The following COMP variants were observed in gnomAD, a reference collection of about 807,000 sequenced individuals.
COMP encodes cartilage oligomeric matrix protein (pseudoachondroplasia, epiphyseal dysplasia 1, multiple).
COMP carries 79 observed loss-of-function variants against 95.8 expected under a neutral mutation model. The ratio of observed to expected loss-of-function variants is 0.82; its 90% CI spans 0.69 to 0.99. The LOEUF (loss-of-function observed/expected upper bound fraction) is 0.99. Among genes scored for constraint, COMP ranks in the 50% least tolerant of loss-of-function variants. The probability of loss-of-function intolerance (pLI) is 0.00; values close to 1 mark genes in which losing one functional copy is unlikely to be tolerated. For synonymous variants in COMP, 438 were observed against 433.9 expected (o/e 1.01, Z -0.12); for missense variants, 906 against 1,076.1 (o/e 0.84, Z 2.21).
In COMP at chr19:18,783,225, C is replaced by A. The variant is rs1216269531; in HGVS notation, c.2088-32G>T. 1.9e-6 allele frequency: 3 copies of A among 1,602,622 alleles called. No individual in the cohort carries two copies. In the African/African-American group the frequency reaches 4.0e-5, roughly 21 times the overall value. On this transcript the variant is annotated intron_variant, in intron 17 of 18. Coordinates refer to ENST00000222271, the MANE Select transcript of COMP (RefSeq NM_000095.3). Reference sequence around the variant, plus strand: ...GTCAGACATGGTGAGGCCTGGGGGACCTGGGCCAGACCCTTCCCTCTCAGA... The same window carrying A: ...GTCAGACATGGTGAGGCCTGGGGGAACTGGGCCAGACCCTTCCCTCTCAGA...
Position 18,785,684 on chromosome 19 carries a change from C to A in COMP, c.1657G>T (p.Val553Leu). ...GACCCCGCTCCCACCTGGTTGAGCA[C>A]CACCCAGTTGGGGTCAATCTGCGCG... ...GDAQIDPNWV[V>L]LNQGREIVQT... The change falls in exon 14 of 19, where the codon GTG becomes TTG. Residue 553 changes from valine to leucine, a missense_variant. Val to Leu is a conservative substitution (Grantham distance 32, BLOSUM62 1). Transcript: ENST00000222271. 1 of 1,613,510 alleles carries A rather than the reference C, an allele frequency of 6.2e-7. No homozygotes were observed. Among genetic ancestry groups the A allele is most frequent in the Non-Finnish European group, 8.5e-7 (1 of 1,180,030 alleles).
In COMP at chr19:18,789,074, A is replaced by G; in HGVS notation, c.528+86T>C. ...TCCTCTCCCCACCCCTCCCGCTGGA[A>G]GGAGGCTGGAAGAGGAGTTTACTGG... On this transcript the variant is annotated intron_variant, in intron 5 of 18. Coordinates refer to ENST00000222271, the MANE Select transcript of COMP (RefSeq NM_000095.3). This position sits in a 1 kb window ranked among gnomAD's most constrained non-coding sequence, Gnocchi z 6.1. The G allele has an allele frequency of 6.4e-7, 1 of 1,554,544 alleles. No individual in the cohort carries two copies. Among genetic ancestry groups the G allele is most frequent in the Non-Finnish European group, 8.7e-7 (1 of 1,147,900 alleles).
At chr19:18,783,321 C>T (rs745875550) in intron 17 of COMP, 128 bp from the exon 18 acceptor site, 111 of 1,342,258 alleles carry the variant, frequency 8.3e-5, no homozygotes, top group Non-Finnish European at 1.1e-4. Flanking sequence ...AGGCCTCTGC[C>T]TTGGGCCTCA....
chr19:18,786,834 A>C lies in COMP; in HGVS notation c.1136-184T>G. The C allele has an allele frequency of 6.0e-6, 3 of 498,048 alleles. No homozygotes were observed. In the South Asian group the frequency reaches 6.4e-5, roughly 11 times the overall value. 30.9% of individuals were successfully genotyped at this position (498,048 alleles called of 1,614,324 possible). A position where few individuals can be genotyped will look rare whatever the true frequency, so the allele number is the denominator to read the frequency against. On this transcript the variant is annotated intron_variant, in intron 10 of 18. Transcript: ENST00000222271. ...GTCACTCAGGCTGGAGTGCAGTGGC[A>C]TGATCTCGGCTCACTGCAACTTCCA...
intron 15 of COMP, 32 bp from the exon 16 acceptor site, chr19:18,785,124 G>T: frequency 6.2e-7 from 1 of 1,606,290 alleles, no homozygotes; most frequent in Non-Finnish European, 8.5e-7. Context: ...TGGCCTTTCC[G>T]AACGCCAGCC....
At position 18,790,670 on chromosome 19, in the gene COMP, C is replaced by A; in HGVS notation, c.166-57G>T. The stretch of plus-strand genomic sequence containing the variant: ...CAACCTCTCCTCATCCCTCGGGTCT[C>A]CCCTCTCTCTACCCCGGGGTCCCTT... On this transcript the variant is annotated intron_variant, in intron 2 of 18. Coordinates refer to ENST00000222271, the MANE Select transcript of COMP (RefSeq NM_000095.3). 5 of 1,613,346 alleles carry A rather than the reference C, an allele frequency of 3.1e-6. No individual in the cohort carries two copies. The South Asian group carries it at 4.4e-5, about 14-fold the overall frequency.
Position 18,789,253 on chromosome 19 carries a change from G to A in COMP, c.435C>T (p.Thr145=). The A allele has an allele frequency of 6.6e-7, 1 of 1,523,210 alleles. No individual in the cohort carries two copies. Among genetic ancestry groups the A allele is most frequent in the East Asian group, 2.3e-5 (1 of 43,892 alleles). 94.4% of individuals were successfully genotyped at this position (1,523,210 alleles called of 1,614,324 possible). Residue 145 remains threonine, a synonymous_variant, in exon 5 of 19, where the codon ACC becomes ACT. Coordinates refer to ENST00000222271, the MANE Select transcript of COMP (RefSeq NM_000095.3). The surrounding 1 kb of genome is among the most constrained non-coding windows in gnomAD (Gnocchi z 6.1). ...AAGCCTCGCAGCGGAACCCCGGGCT[G>A]GTGTTGATACAGCGGACTCGGGGGA... ...PCFPRVRCIN[T]SPGFRCEACP...
At chr19:18,787,793 C>T (rs1388229417) in intron 9 of COMP, 143 bp from the exon 10 acceptor site, 2 of 1,017,094 alleles carry the variant, frequency 2.0e-6, no homozygotes, top group Non-Finnish European at 3.0e-6. Context: ...GCCCCTCATC[C>T]AAGCCACGCC....
rs929699788 is a variant in COMP at position 18,791,049 on chromosome 19, G to C, written c.80-114C>G. 2.7e-6 allele frequency: 4 copies of C among 1,507,898 alleles called. No homozygotes were observed. In the African/African-American group the frequency reaches 5.5e-5, roughly 21 times the overall value. The allele number at this position is 1,507,898 out of a possible 1,614,324, so 93.4% of individuals were successfully genotyped here. A position where few individuals can be genotyped will look rare whatever the true frequency, so the allele number is the denominator to read the frequency against. On this transcript the variant is annotated intron_variant, in intron 1 of 18. Coordinates refer to ENST00000222271, the MANE Select transcript of COMP (RefSeq NM_000095.3). ...GGCCCCACTGCGCTCCTCTAGTCTC[G>C]GTCCCGCCACCTGCTTTCTGCGCCC...
intron 10 of COMP, 52 bp downstream of exon 10, chr19:18,787,439 G>T (rs371522589): frequency 6.3e-7 from 1 of 1,592,890 alleles, no homozygotes; most frequent in Non-Finnish European, 8.5e-7. Context: ...GCCGAATCCC[G>T]CCCTTCGGTG....
chr19:18,790,150 T>C, intron 3 of COMP, 36 bp from the exon 4 acceptor site: 1 of 1,471,328 alleles, frequency 6.8e-7, no homozygotes, highest in African/African-American at 1.4e-5. Flanking sequence ...GCGGGGCTGA[T>C]CGGTGGCTCG....
At position 18,790,086 on chromosome 19, in the gene COMP, T is replaced by G; in HGVS notation, c.246A>C (p.Leu82=). Residue 82 remains leucine, a synonymous_variant, in exon 4 of 19, where the codon CTA becomes CTC. Coordinates refer to ENST00000222271, the MANE Select transcript of COMP (RefSeq NM_000095.3). ...AGTGGAGCAGGGGCCGCACGCTGGGTAGGCCGGTGCGTACTGACTGCTGCA... is the reference window on the plus strand; with the variant it reads ...AGTGGAGCAGGGGCCGCACGCTGGGGAGGCCGGTGCGTACTGACTGCTGCA... ...CGMQQSVRTG[L]PSVRPLLHCA... The G allele has an allele frequency of 2.6e-6, 4 of 1,541,712 alleles. No homozygotes were observed. Among genetic ancestry groups the G allele is most frequent in the Non-Finnish European group, 3.5e-6 (4 of 1,147,554 alleles).
rs1037138467 is a variant in COMP at position 18,784,102 on chromosome 19, A to G, written c.2087+89T>C. On this transcript the variant is annotated intron_variant, in intron 17 of 18. Transcript: ENST00000222271. This position sits in a 1 kb window ranked among gnomAD's most constrained non-coding sequence, Gnocchi z 4.9. Reference sequence around the variant, plus strand: ...TTCCTATCGTACAGATGAGGGGACCAGGGTCACACAGCCCCTGCCTGGCCA... The same window carrying G: ...TTCCTATCGTACAGATGAGGGGACCGGGGTCACACAGCCCCTGCCTGGCCA... 2.7e-5 allele frequency: 38 copies of G among 1,422,862 alleles called. No individual in the cohort carries two copies. In the African/African-American group the frequency reaches 5.2e-4, roughly 19 times the overall value. The allele number at this position is 1,422,862 out of a possible 1,614,324, so 88.1% of individuals were successfully genotyped here.
Position 18,786,012 on chromosome 19 carries a change from C to G in COMP, c.1442G>C (p.Arg481Pro). ...GTTAGGCACCAGGCGGCAGTTGTCC[C>G]GACTGTCAGGGACTCCGTCATTGTC... ...DDDNDGVPDS[R>P]DNCRLVPNPG... The change falls in exon 13 of 19, where the codon CGG becomes CCG. Residue 481 changes from arginine to proline, a missense_variant. By Grantham distance (103) the Arg-to-Pro change is moderately radical. Transcript: ENST00000222271. The G allele has an allele frequency of 6.2e-7, 1 of 1,613,584 alleles. No homozygotes were observed. Among genetic ancestry groups the G allele is most frequent in the African/African-American group, 1.3e-5 (1 of 75,010 alleles).
At position 18,789,797 on chromosome 19, in the gene COMP, G is replaced by T; in HGVS notation, c.390+145C>A. ...TGGGTTGGGCGTCCCCCCGCGGTAA[G>T]GAGGTAGTCTGGCCGTGCGCCCCCG... On this transcript the variant is annotated intron_variant, in intron 4 of 18. Coordinates refer to ENST00000222271, the MANE Select transcript of COMP (RefSeq NM_000095.3). This position sits in a 1 kb window ranked among gnomAD's most constrained non-coding sequence, Gnocchi z 6.1. The T allele has an allele frequency of 9.5e-7, 1 of 1,056,606 alleles. No individual in the cohort carries two copies. The highest frequency in any genetic ancestry group is 1.4e-6 in the Non-Finnish European group (1 of 712,702). 65.5% of individuals were successfully genotyped at this position (1,056,606 alleles called of 1,614,324 possible).
Position 18,784,052 on chromosome 19 carries a change from G to C in COMP, c.2087+139C>G. 2 of 957,754 alleles carry C rather than the reference G, an allele frequency of 2.1e-6. No individual in the cohort carries two copies. Among genetic ancestry groups the C allele is most frequent in the Non-Finnish European group, 3.3e-6 (2 of 612,918 alleles). The allele number at this position is 957,754 out of a possible 1,614,324, so 59.3% of individuals were successfully genotyped here. ...GAGCCACCACGCCTGGACCAGCATA[G>C]GCTCATTCTAACTGCCCTGTATCTT... On this transcript the variant is annotated intron_variant, in intron 17 of 18. Coordinates refer to ENST00000222271, the MANE Select transcript of COMP (RefSeq NM_000095.3). This position sits in a 1 kb window ranked among gnomAD's most constrained non-coding sequence, Gnocchi z 4.9.
chr19:18,791,277 G>C lies in COMP; in HGVS notation c.-8C>G. 6.3e-7 allele frequency: 1 copy of C among 1,588,934 alleles called. No homozygotes were observed. On this transcript the variant is annotated 5_prime_UTR_variant, in exon 1 of 19. Transcript: ENST00000222271. ...GGCGGTGTCGGGGACCATGGCGGTG[G>C]CGGGGAGCTGGGTGGCTGCTCGCTT...
rs778354590 is a variant in COMP, at chr19:18,787,528, G to A, written c.1098C>T (p.Gly366=). 1.2e-6 allele frequency: 2 copies of A among 1,613,430 alleles called. No homozygotes were observed. Among genetic ancestry groups the A allele is most frequent in the Non-Finnish European group, 1.7e-6 (2 of 1,179,932 alleles). ...NDDQKDTDQD[G]RGDACDDDID... ...TGTCGTCGTCGCACGCATCGCCCCG[G>A]CCGTCCTGGTCTGTGTCCTTTTGGT... Residue 366 remains glycine (G), a synonymous_variant, in exon 10 of 19, where the codon GGC becomes GGT. Coordinates refer to ENST00000222271, the MANE Select transcript of COMP (RefSeq NM_000095.3).
intron 10 of COMP, chr19:18,786,983 G>T: frequency 2.9e-6 from 1 of 345,438 alleles, no homozygotes. Flanking sequence ...ATGTTGGTCA[G>T]TCTGGTCTCG....
Sources: allele counts gnomAD v4.1 joint callset, GRCh38; gene constraint gnomAD v4.1.1; non-coding constraint Gnocchi (gnomAD v3.1); transcripts MANE v1.5; gene names NCBI Gene and HGNC (gene_info 2026-07-23, HGNC 2026-07-21).